The following CABLES1 variants were observed in gnomAD, a reference collection of about 807,000 sequenced individuals.
CABLES1 encodes the protein CDK5 and ABL1 enzyme substrate 1.
Under a neutral mutation model 57.8 loss-of-function variants are expected in CABLES1, and 36 were observed. The ratio of observed to expected loss-of-function variants is 0.62; its 90% CI spans 0.48 to 0.82. CABLES1 has a LOEUF of 0.82. Among genes scored for constraint, CABLES1 ranks in the 40% least tolerant of loss-of-function variants. The pLI is 0.00. For synonymous variants in CABLES1, 374 were observed against 363.0 expected (o/e 1.03, Z -0.35); for missense variants, 767 against 836.6 (o/e 0.92, Z 1.03).
intron 7 of CABLES1, among the ~76,000 whole-genome samples, chr18:23,250,189 G>A (rs1408123361): frequency 6.6e-6 from 1 of 152,236 alleles, no homozygotes; most frequent in Non-Finnish European, 1.5e-5. Flanking sequence ...TTAAGCAGCA[G>A]GATATCCTTG....
At chr18:23,135,260 G>A (rs1472487111), upstream of CABLES1, among the ~76,000 whole-genome samples, 1 of 152,118 alleles carries the variant, frequency 6.6e-6, no homozygotes, top group Non-Finnish European at 1.5e-5. Flanking sequence ...CCGGACAGCC[G>A]GGCCGATCCC....
intron 5 of CABLES1, among the ~76,000 whole-genome samples, chr18:23,234,996 A>G (rs952664363): frequency 5.3e-5 from 8 of 152,198 alleles, no homozygotes; most frequent in Non-Finnish European, 1.2e-4. Flanking sequence ...GGAATGACGA[A>G]TGGATTGAAC....
chr18:23,170,848 G>A (rs573628157), intron 1 of CABLES1, among the ~76,000 whole-genome samples: 2 of 152,330 alleles, frequency 1.3e-5, no homozygotes, highest in Admixed American at 1.3e-4. Flanking sequence ...CCAGGCTGGA[G>A]TGCAGTAGTG....
intron 4 of CABLES1, among the ~76,000 whole-genome samples, chr18:23,215,650 G>C (rs2047436174): frequency 6.6e-6 from 1 of 152,166 alleles, no homozygotes; most frequent in African/African-American, 2.4e-5. Flanking sequence ...AGGTGCCCGG[G>C]ACAAAGGCAG....
At chr18:23,252,914 C>A in intron 7 of CABLES1, 46 bp from the exon 8 acceptor site, 2 of 1,300,480 alleles carry the variant, frequency 1.5e-6, no homozygotes, top group Non-Finnish European at 2.2e-6. Context: ...TTATTACATA[C>A]GACCCTTGTT....
chr18:23,166,707 C>T (rs1868499947), intron 1 of CABLES1, among the ~76,000 whole-genome samples: 3 of 152,114 alleles, frequency 2.0e-5, no homozygotes, highest in East Asian at 1.9e-4. Flanking sequence ...CGTATATATA[C>T]ATATTTAGTG....
chr18:23,196,328 G>A (rs540633538), intron 3 of CABLES1, among the ~76,000 whole-genome samples: 2 of 152,258 alleles, frequency 1.3e-5, no homozygotes, highest in South Asian at 2.1e-4. Flanking sequence ...CTGAGGCCAC[G>A]GCGGGTCGTA....
At chr18:23,136,665 C>A (rs1242322969) in intron 1 of CABLES1, 58 bp downstream of exon 1, 2 of 1,146,110 alleles carry the variant, frequency 1.7e-6, no homozygotes, top group African/African-American at 1.6e-5. Context: ...CGCTCCCAGC[C>A]TCCCCGCGGT....
At chr18:23,242,158 A>C (rs1176004131) in intron 7 of CABLES1, among the ~76,000 whole-genome samples, 1 of 152,106 alleles carries the variant, frequency 6.6e-6, no homozygotes, top group Non-Finnish European at 1.5e-5. Flanking sequence ...GGCGCCTGTA[A>C]TCCTGGCTAC....
chr18:23,208,558 T>C (rs1349615845), intron 3 of CABLES1, among the ~76,000 whole-genome samples: 3 of 152,186 alleles, frequency 2.0e-5, no homozygotes, highest in Non-Finnish European at 4.4e-5. Flanking sequence ...TTTCATAATA[T>C]TCATTTGTCT....
In CABLES1 at chr18:23,167,928, A is replaced by T. The variant is rs142367776; in HGVS notation, c.846-20910A>T. ...GCCCTTCGGTTCATGCACACGCTTA[A>T]ATGCAGCAGTCAGGTTGCTGTAACT... On this transcript the variant is annotated intron_variant, in intron 1 of 9. Coordinates refer to ENST00000256925, the MANE Select transcript of CABLES1 (RefSeq NM_001100619.3). Among the ~76,000 whole-genome samples, 22 of 152,344 alleles carry T rather than the reference A, an allele frequency of 1.4e-4. No homozygotes were observed. The East Asian group carries it at 4.0e-3, about 28-fold the overall frequency.
chr18:23,154,724 A>C (rs1457048940), intron 1 of CABLES1, among the ~76,000 whole-genome samples: 1 of 152,210 alleles, frequency 6.6e-6, no homozygotes, highest in Non-Finnish European at 1.5e-5. Flanking sequence ...AGTCATGTAG[A>C]GCAGGGATCC....
intron 6 of CABLES1, among the ~76,000 whole-genome samples, 166 bp downstream of exon 6, chr18:23,236,217 G>T (rs932653350): frequency 1.3e-5 from 2 of 152,166 alleles, no homozygotes; most frequent in Non-Finnish European, 2.9e-5. Flanking sequence ...CAATGAAGCC[G>T]CAGGTGATTT....
chr18:23,246,572 T>C (rs374397526), intron 7 of CABLES1, among the ~76,000 whole-genome samples: 50 of 151,972 alleles, frequency 3.3e-4, no homozygotes, highest in Admixed American at 1.8e-3. Flanking sequence ...TTTGTGTTTT[T>C]AGTAGAGATG....
At chr18:23,177,989 C>G (rs1005015514) in intron 1 of CABLES1, among the ~76,000 whole-genome samples, 1 of 152,188 alleles carries the variant, frequency 6.6e-6, no homozygotes, top group African/African-American at 2.4e-5. Flanking sequence ...AAGTTGGCCG[C>G]AAACTCCTTG....
At chr18:23,143,264 G>A (rs902223404) in intron 1 of CABLES1, among the ~76,000 whole-genome samples, 3 of 152,182 alleles carry the variant, frequency 2.0e-5, no homozygotes, top group Non-Finnish European at 4.4e-5. Context: ...ATTAACTCCC[G>A]CCCTCTGCCT....
chr18:23,247,308 G>A (rs771598609), intron 7 of CABLES1, among the ~76,000 whole-genome samples: 4 of 152,236 alleles, frequency 2.6e-5, no homozygotes, highest in East Asian at 1.9e-4. Context: ...AGAGGACATC[G>A]AGGACTGTCA....
chr18:23,155,406 GTTTC>G (rs781639342), intron 1 of CABLES1, among the ~76,000 whole-genome samples: 18 of 152,190 alleles, frequency 1.2e-4, no homozygotes, highest in Non-Finnish European at 2.4e-4. Context: ...TATTTTAGGA[GTTTC>G]TTTTTGTTTT....
intron 7 of CABLES1, among the ~76,000 whole-genome samples, chr18:23,244,481 T>C (rs1377013004): frequency 6.6e-6 from 1 of 152,266 alleles, no homozygotes; most frequent in Non-Finnish European, 1.5e-5. Flanking sequence ...AGTTTCCTTG[T>C]GATTTACTGT....
Sources: allele counts gnomAD v4.1 joint callset (sites outside exome capture counted in the v4.1 genomes callset), GRCh38; gene constraint gnomAD v4.1.1; transcripts MANE v1.5; gene names NCBI Gene and HGNC (gene_info 2026-07-23, HGNC 2026-07-21).